NEDD9: variants seen among roughly 807,000 people sequenced by gnomAD.
NEDD9 encodes neural precursor cell expressed, developmentally down-regulated 9, also known as enhancer of filamentation 1.
In NEDD9, 26 loss-of-function variants were observed where a neutral mutation model predicts 76.6. The observed-to-expected ratio is 0.34, with a 90% CI of 0.25 to 0.47. The LOEUF (loss-of-function observed/expected upper bound fraction) is 0.47, where lower values mean the gene tolerates loss of function less well. Among genes scored for constraint, NEDD9 ranks in the 20% least tolerant of loss-of-function variants. NEDD9 has a pLI of 1.00. For synonymous variants in NEDD9, 392 were observed against 414.2 expected, an observed-to-expected ratio of 0.95 and a Z score of 0.65; for missense variants, 937 against 1,058.5, an observed-to-expected ratio of 0.89 and a Z score of 1.59.
chr6:11,354,295 A>G (rs1051270887), intron 1 of NEDD9, among the ~76,000 whole-genome samples: 12 of 152,228 alleles, frequency 7.9e-5, no homozygotes, highest in African/African-American at 2.9e-4. Flanking sequence ...CAACCAAAGC[A>G]CAGAGAACAT....
intron 1 of NEDD9, chr6:11,352,504 T>G (rs1762488394): frequency 6.6e-6 from 1 of 152,246 alleles, no homozygotes; most frequent in Non-Finnish European, 1.5e-5. Flanking sequence ...ATACAGCTTC[T>G]TTCTCTGAAG....
chr6:11,248,870 T>C, intron 3 of NEDD9: 1 of 339,688 alleles, frequency 2.9e-6, no homozygotes, highest in South Asian at 2.3e-5. Flanking sequence ...GAGGACTTGA[T>C]GAAGTGTCAG....
At chr6:11,349,775 G>C (rs774270509) in intron 1 of NEDD9, among the ~76,000 whole-genome samples, 3 of 152,210 alleles carry the variant, frequency 2.0e-5, no homozygotes, top group Non-Finnish European at 4.4e-5. Flanking sequence ...AACTGAGGGT[G>C]GAGGGTGAGA....
intron 1 of NEDD9, among the ~76,000 whole-genome samples, chr6:11,343,091 A>G (rs1390346548): frequency 6.6e-6 from 1 of 152,020 alleles, no homozygotes; most frequent in Non-Finnish European, 1.5e-5. Context: ...TTTACAGAAG[A>G]TAAATTACAC....
intron 3 of NEDD9, among the ~76,000 whole-genome samples, chr6:11,270,945 G>A (rs749417034): frequency 2.0e-5 from 3 of 152,210 alleles, no homozygotes; most frequent in Non-Finnish European, 4.4e-5. Flanking sequence ...GGTGGGAAAT[G>A]CAGAATTCCA....
intron 2 of NEDD9, among the ~76,000 whole-genome samples, chr6:11,315,834 T>G (rs1011643267): frequency 6.6e-6 from 1 of 152,218 alleles, no homozygotes; most frequent in Non-Finnish European, 1.5e-5. Flanking sequence ...CCAGAAGGCA[T>G]AGCAACAAAT....
At chr6:11,349,780 G>T (rs1165389130) in intron 1 of NEDD9, among the ~76,000 whole-genome samples, 16 of 152,212 alleles carry the variant, frequency 1.1e-4, no homozygotes, top group Admixed American at 9.8e-4. Flanking sequence ...AGGGTGGAGG[G>T]TGAGAGGAGG....
rs907991711 is a variant in NEDD9, at chr6:11,208,299, A to G, written c.459+4982T>C. ...TCTCAGATAAGCCCTTCTTTACATCACTCATGCTTTGCATCAAGGTGCTCA... is the reference window on the plus strand; with the variant it reads ...TCTCAGATAAGCCCTTCTTTACATCGCTCATGCTTTGCATCAAGGTGCTCA... On this transcript the variant is annotated intron_variant, in intron 2 of 6. Transcript: ENST00000379446. 4.6e-5 allele frequency among the ~76,000 whole-genome samples: 7 copies of G among 152,068 alleles called. No individual in the cohort carries two copies. In the South Asian group the frequency reaches 1.5e-3, roughly 32 times the overall value.
At chr6:11,281,510 C>T (rs561116484) in intron 3 of NEDD9, among the ~76,000 whole-genome samples, 1 of 152,278 alleles carries the variant, frequency 6.6e-6, no homozygotes, top group East Asian at 1.9e-4. Context: ...GCAGTCCCCC[C>T]GTTTTTTCTT....
chr6:11,325,504 A>T (rs911973198), intron 2 of NEDD9, among the ~76,000 whole-genome samples: 5 of 152,228 alleles, frequency 3.3e-5, no homozygotes, highest in African/African-American at 1.2e-4. Flanking sequence ...ATGCTCTTAT[A>T]TTTTCGTTTA....
At chr6:11,214,407 C>T (rs1255212309) in intron 1 of NEDD9, among the ~76,000 whole-genome samples, 1 of 152,216 alleles carries the variant, frequency 6.6e-6, no homozygotes, top group Non-Finnish European at 1.5e-5. Flanking sequence ...AGGTGGATGC[C>T]AACTCTTCTC....
At chr6:11,324,245 A>G (rs922967699) in intron 2 of NEDD9, among the ~76,000 whole-genome samples, 2 of 151,714 alleles carry the variant, frequency 1.3e-5, no homozygotes, top group African/African-American at 2.4e-5. Context: ...TTCTCCCTCC[A>G]CTTTGATCTT....
At chr6:11,299,865 C>T (rs1384200620) in intron 3 of NEDD9, among the ~76,000 whole-genome samples, 3 of 152,174 alleles carry the variant, frequency 2.0e-5, no homozygotes, top group African/African-American at 7.2e-5. Context: ...TCACCAATGT[C>T]AAAGTCCAAA....
chr6:11,244,768 G>A lies in NEDD9; in HGVS notation c.13-31041C>T, dbSNP rs186120919. On this transcript the variant is annotated intron_variant, in intron 3 of 3. Transcript: ENST00000397378. ...GAATATGTTTTTCTCCTTGTAGAGAGAGTCAATAGCAAGAGAGAATGAGTC... is the reference window on the plus strand; with the variant it reads ...GAATATGTTTTTCTCCTTGTAGAGAAAGTCAATAGCAAGAGAGAATGAGTC... Among the ~76,000 whole-genome samples the A allele has an allele frequency of 1.3e-4, 20 of 152,306 alleles. No individual in the cohort carries two copies. In the East Asian group the frequency reaches 3.9e-3, roughly 29 times the overall value.
intron 1 of NEDD9, among the ~76,000 whole-genome samples, chr6:11,375,648 G>A (rs1762957726): frequency 6.6e-6 from 1 of 152,056 alleles, no homozygotes; most frequent in Non-Finnish European, 1.5e-5. Flanking sequence ...AGATCTGGTT[G>A]TTTAAAGGAC....
At chr6:11,200,979 G>C (rs1363710592) in intron 2 of NEDD9, 1 of 1,614,128 alleles carries the variant, frequency 6.2e-7, no homozygotes, top group African/African-American at 1.3e-5. Flanking sequence ...TTCAGTGGAG[G>C]TTCACAAGCT....
At chr6:11,257,026 T>C (rs76607677) in intron 3 of NEDD9, among the ~76,000 whole-genome samples, 4,509 of 152,258 alleles carry the variant, frequency 0.03, 188 homozygotes, top group African/African-American at 0.095. Flanking sequence ...TTATAAGGAT[T>C]GTAGGTCACT....
At chr6:11,232,473 G>A (rs745762462) in intron 1 of NEDD9, 31 bp downstream of exon 1, 16 of 1,613,958 alleles carry the variant, frequency 9.9e-6, no homozygotes, top group South Asian at 6.6e-5. Context: ...CTTTCAGCTT[G>A]CAAGGTAACC....
chr6:11,338,331 G>A (rs969480827), intron 1 of NEDD9, among the ~76,000 whole-genome samples: 4 of 152,120 alleles, frequency 2.6e-5, no homozygotes, highest in African/African-American at 9.7e-5. Flanking sequence ...AGAGCCACAG[G>A]TTCTCCCTTG....
Sources: allele counts gnomAD v4.1 joint callset (sites outside exome capture counted in the v4.1 genomes callset), GRCh38; gene constraint gnomAD v4.1.1; transcripts MANE v1.5; gene names NCBI Gene and HGNC (gene_info 2026-07-23, HGNC 2026-07-21).